The following PIGP variants were observed in gnomAD, a reference collection of about 807,000 sequenced individuals.
PIGP encodes phosphatidylinositol N-acetylglucosaminyltransferase subunit P.
PIGP carries 12 observed loss-of-function variants against 16.9 expected under a neutral mutation model. The observed-to-expected ratio is 0.71, with a 90% CI of 0.46 to 1.15. PIGP has a LOEUF of 1.15. PIGP is among the 50% of genes most tolerant of loss of function. PIGP has a pLI of 0.00. For synonymous variants in PIGP, 57 were observed against 54.7 expected, an observed-to-expected ratio of 1.04 and a Z score of -0.18; for missense variants, 159 against 153.5, an observed-to-expected ratio of 1.04 and a Z score of -0.19.
chr21:37,068,891 CCT>C (rs1484143101), intron 3 of PIGP, among the ~76,000 whole-genome samples: 1 of 152,134 alleles, frequency 6.6e-6, no homozygotes, highest in East Asian at 1.9e-4. Flanking sequence ...CACTTACTTC[CCT>C]GTTTTCAGTA....
chr21:37,067,419 A>T (rs1357229106), intron 3 of PIGP, 39 bp from the exon 4 acceptor site: 4 of 1,146,318 alleles, frequency 3.5e-6, no homozygotes, highest in Non-Finnish European at 5.2e-6. Flanking sequence ...TAGACACTTT[A>T]AAAAAGTTGT....
At chr21:37,070,211 A>T (rs1351745360) in intron 2 of PIGP, among the ~76,000 whole-genome samples, 2 of 152,216 alleles carry the variant, frequency 1.3e-5, no homozygotes, top group African/African-American at 4.8e-5. Context: ...CAATCCTCCA[A>T]GGCAAGTATG....
At chr21:37,067,168 G>A in intron 4 of PIGP, 94 bp downstream of exon 4, 2 of 737,808 alleles carry the variant, frequency 2.7e-6, no homozygotes. Context: ...CACCAACATG[G>A]GTTTTGCAGC....
intron 1 of PIGP, chr21:37,072,771 G>A: frequency 1.7e-6 from 1 of 605,834 alleles, no homozygotes. Flanking sequence ...TGGGGCGATA[G>A]ACGCGCGCTC....
chr21:37,072,388 T>C (rs1379587939), intron 2 of PIGP, 46 bp downstream of exon 2: 1 of 1,612,166 alleles, frequency 6.2e-7, no homozygotes. Context: ...CCCTTGTCAC[T>C]GAACGCCAGA....
intron 1 of PIGP, 51 bp from the exon 2 acceptor site, chr21:37,072,588 T>C (rs768292253): frequency 9.3e-6 from 15 of 1,613,744 alleles, no homozygotes; most frequent in Non-Finnish European, 1.3e-5. Context: ...GTGGCACCAT[T>C]GATCCATTCT....
chr21:37,070,703 C>T (rs2069989981), intron 2 of PIGP, among the ~76,000 whole-genome samples: 1 of 152,226 alleles, frequency 6.6e-6, no homozygotes, highest in South Asian at 2.1e-4. Flanking sequence ...TGGCCTGTAA[C>T]AGTGCCTGGC....
Position 37,072,422 on chromosome 21 carries a change from G to T in PIGP, c.82+12C>A. On this transcript the variant is annotated intron_variant, in intron 2 of 4. Transcript: ENST00000360525. ...GAAAAAGCCCCTGGCCATCCATCAGGAAAGTACTTACTGAAGCCAAATTGG... is the reference window on the plus strand; with the variant it reads ...GAAAAAGCCCCTGGCCATCCATCAGTAAAGTACTTACTGAAGCCAAATTGG... The T allele has an allele frequency of 1.9e-6, 3 of 1,614,038 alleles. No homozygotes were observed. The highest frequency in any genetic ancestry group is 1.3e-5 in the African/African-American group (1 of 75,042).
intron 2 of PIGP, among the ~76,000 whole-genome samples, chr21:37,071,840 G>A (rs1049513519): frequency 6.6e-6 from 1 of 152,120 alleles, no homozygotes; most frequent in South Asian, 2.1e-4. Context: ...ATGTTATGGG[G>A]TTAAATTAAG....
intron 3 of PIGP, among the ~76,000 whole-genome samples, chr21:37,067,884 A>C (rs2069934050): frequency 6.6e-6 from 1 of 151,922 alleles, no homozygotes; most frequent in Non-Finnish European, 1.5e-5. Context: ...TGGAATAATT[A>C]CATCTTTTTG....
chr21:37,065,467 C>T lies in PIGP; in HGVS notation c.*115G>A. On this transcript the variant is annotated 3_prime_UTR_variant, in exon 5 of 5. Coordinates refer to ENST00000360525, the MANE Select transcript of PIGP (RefSeq NM_153682.3). ...CATAATCTAAGAGAAGGTCAACTTACATTTTTTACTTCTCTATTAATAAGA... is the reference window on the plus strand; with the variant it reads ...CATAATCTAAGAGAAGGTCAACTTATATTTTTTACTTCTCTATTAATAAGA... The T allele has an allele frequency of 2.0e-6, 2 of 995,354 alleles. No individual in the cohort carries two copies. The highest frequency in any genetic ancestry group is 2.9e-6 in the Non-Finnish European group (2 of 684,554). 61.7% of individuals were successfully genotyped at this position (995,354 alleles called of 1,614,324 possible).
chr21:37,065,514 G>T lies in PIGP; in HGVS notation c.*68C>A. The T allele has an allele frequency of 6.7e-7, 1 of 1,490,432 alleles. No homozygotes were observed. Among genetic ancestry groups the T allele is most frequent in the African/African-American group, 1.4e-5 (1 of 70,510 alleles). 92.3% of individuals were successfully genotyped at this position (1,490,432 alleles called of 1,614,324 possible). On this transcript the variant is annotated 3_prime_UTR_variant, in exon 5 of 5. Transcript: ENST00000360525. Reference sequence around the variant, plus strand: ...AAGAGAGATGGTCAAATTAATTTATGGTCAAAATTATAATGGCAAAAACTT... The same window carrying T: ...AAGAGAGATGGTCAAATTAATTTATTGTCAAAATTATAATGGCAAAAACTT...
rs769298458 is a variant in PIGP, at chr21:37,072,548, G to C, written c.-22-11C>G. The C allele has an allele frequency of 1.2e-6, 2 of 1,614,202 alleles. No individual in the cohort carries two copies. The highest frequency in any genetic ancestry group is 8.5e-7 in the Non-Finnish European group (1 of 1,180,000). On this transcript the variant is annotated splice_polypyrimidine_tract_variant and intron_variant, in intron 1 of 4. Transcript: ENST00000360525. ...GGGGCTTTAGACAATCTGTGGAAAA[G>C]GAACACAATCAGCGTCAGCGATGTG... is the stretch of plus-strand genomic sequence containing the variant.
rs138361511 is a variant in PIGP, at chr21:37,068,478, GTTAT to G, written c.155+1070_155+1073del. Among the ~76,000 whole-genome samples, 1,405 of 151,886 alleles carry G rather than the reference GTTAT, an allele frequency of 9.3e-3. 23 individuals carry two copies. The highest frequency in any genetic ancestry group is 0.032 in the African/African-American group (1,324 of 41,452). ...TGTTTCTTACCTCTGAGAATTTTAT[GTTAT>G]TTAAATTTTTTTTTCTGTTTCCTGC... is the stretch of plus-strand genomic sequence containing the variant. On this transcript the variant is annotated intron_variant, in intron 3 of 4. Coordinates refer to ENST00000360525, the MANE Select transcript of PIGP (RefSeq NM_153682.3).
chr21:37,067,580 C>A (rs2069928731), intron 3 of PIGP, among the ~76,000 whole-genome samples, 200 bp from the exon 4 acceptor site: 1 of 152,220 alleles, frequency 6.6e-6, no homozygotes, highest in Non-Finnish European at 1.5e-5. Context: ...GGGTCTCACT[C>A]TCCAAAAAGA....
In PIGP at chr21:37,065,644, A is replaced by C. The variant is rs369586193; in HGVS notation, c.343T>G (p.Ser115Ala). ...EEAIPALRDI[S>A]ISEVNQMFFL... Reference sequence around the variant, plus strand: ...AACATTTGGTTTACTTCACTAATAGAAATATCTCTTAAGGCTGGAATGGCC... The same window carrying C: ...AACATTTGGTTTACTTCACTAATAGCAATATCTCTTAAGGCTGGAATGGCC... The change falls in exon 5 of 5, where the codon TCT becomes GCT. Residue 115 changes from serine to alanine, a missense_variant. Coordinates refer to ENST00000360525, the MANE Select transcript of PIGP (RefSeq NM_153682.3). 49 of 1,613,444 alleles carry C rather than the reference A, an allele frequency of 3.0e-5. No homozygotes were observed. The highest frequency in any genetic ancestry group is 4.1e-5 in the Non-Finnish European group (48 of 1,179,734).
intron 3 of PIGP, among the ~76,000 whole-genome samples, chr21:37,068,851 TA>T (rs149249992): frequency 0.021 from 3,228 of 152,286 alleles, 117 homozygotes; most frequent in African/African-American, 0.074. Flanking sequence ...GAGCAGGAGG[TA>T]AATCTTCTCA....
chr21:37,066,619 C>A (rs551933481), intron 4 of PIGP, among the ~76,000 whole-genome samples: 1 of 152,246 alleles, frequency 6.6e-6, no homozygotes, highest in Admixed American at 6.5e-5. Context: ...GCTCTTTTAT[C>A]CACTTAATTG....
At chr21:37,066,746 G>A (rs2069909990) in intron 4 of PIGP, among the ~76,000 whole-genome samples, 1 of 152,136 alleles carries the variant, frequency 6.6e-6, no homozygotes, top group African/African-American at 2.4e-5. Flanking sequence ...TTCAGGATAA[G>A]CTTCTCTCAG....
Sources: allele counts gnomAD v4.1 joint callset (sites outside exome capture counted in the v4.1 genomes callset), GRCh38; gene constraint gnomAD v4.1.1; transcripts MANE v1.5; gene names NCBI Gene and HGNC (gene_info 2026-07-23, HGNC 2026-07-21).